The following GLIS2 variants were observed in gnomAD, a reference collection of about 807,000 sequenced individuals.
GLIS2 encodes GLIS family zinc finger 2.
Under a neutral mutation model 35.6 loss-of-function variants are expected in GLIS2, and 14 were observed. That is an observed-to-expected ratio of 0.39 (90% confidence interval 0.26 to 0.61). GLIS2 has a LOEUF of 0.61. Ranked by LOEUF, GLIS2 falls within the 20% of genes least tolerant of loss-of-function variation. The pLI, the probability that GLIS2 is intolerant of heterozygous loss-of-function variation, is 0.48. For missense variants in GLIS2, 675 were observed against 713.4 expected (o/e 0.95, Z 0.61); for synonymous variants, 368 against 325.1 (o/e 1.13, Z -1.42).
In GLIS2 at chr16:4,335,256, C is replaced by T; in HGVS notation, c.657-19C>T. On this transcript the variant is annotated intron_variant, in intron 5 of 6. Transcript: ENST00000433375. This position sits in a 1 kb window ranked among gnomAD's most constrained non-coding sequence, Gnocchi z 4.6. Reference sequence around the variant, plus strand: ...GTCTCCAGTGAGCTGAGCCGTGCCCCCCGCCCTCCCTGGAGCAGGTACAAG... The same window carrying T: ...GTCTCCAGTGAGCTGAGCCGTGCCCTCCGCCCTCCCTGGAGCAGGTACAAG... 17 of 1,613,710 alleles carry T rather than the reference C, an allele frequency of 1.1e-5. No individual in the cohort carries two copies. The highest frequency in any genetic ancestry group is 1.4e-5 in the Non-Finnish European group (17 of 1,180,006).
intron 1 of GLIS2, among the ~76,000 whole-genome samples, chr16:4,321,385 A>G (rs1485785467): frequency 6.6e-6 from 1 of 152,180 alleles, no homozygotes; most frequent in Admixed American, 6.5e-5. Flanking sequence ...GAACCCCTCC[A>G]TACCTACCCC....
rs1317502694 is a variant in GLIS2, at chr16:4,333,536, G to C, written c.345+17G>C. 1 of 1,601,344 alleles carries C rather than the reference G, an allele frequency of 6.2e-7. No homozygotes were observed. Among genetic ancestry groups the C allele is most frequent in the African/African-American group, 1.3e-5 (1 of 74,708 alleles). ...AGTGCCTCGGTAAGGAGGGGTGAGA[G>C]TTCCGGAGAGAGGGGTGGACTGGTT... On this transcript the variant is annotated intron_variant, in intron 3 of 6. Coordinates refer to ENST00000433375, the MANE Select transcript of GLIS2 (RefSeq NM_032575.3).
chr16:4,317,185 C>CTGGCT (rs761844178), intron 1 of GLIS2, among the ~76,000 whole-genome samples: 1 of 152,146 alleles, frequency 6.6e-6, no homozygotes, highest in Non-Finnish European at 1.5e-5. Context: ...GCCTGGGAAG[C>CTGGCT]TGGAAGGGAT....
Position 4,337,871 on chromosome 16 carries a change from C to T in GLIS2, c.*347C>T. On this transcript the variant is annotated 3_prime_UTR_variant, in exon 7 of 7. Coordinates refer to ENST00000433375, the MANE Select transcript of GLIS2 (RefSeq NM_032575.3). ...TCCCTCACCTAGTGACCACCCATGG[C>T]AAGTTGCCCTCTCCCAGCAGAGGGG... 2.2e-6 allele frequency: 1 copy of T among 458,052 alleles called. No individual in the cohort carries two copies. The highest frequency in any genetic ancestry group is 4.0e-6 in the Non-Finnish European group (1 of 247,446). 28.4% of individuals were successfully genotyped at this position (458,052 alleles called of 1,614,324 possible).
chr16:4,326,399 C>T (rs986991952), intron 1 of GLIS2: 1 of 152,226 alleles, frequency 6.6e-6, no homozygotes, highest in African/African-American at 2.4e-5. Flanking sequence ...CTCACATTGC[C>T]CTTGACAACA....
intron 1 of GLIS2, among the ~76,000 whole-genome samples, chr16:4,326,883 C>T (rs2053436565): frequency 6.6e-6 from 1 of 152,060 alleles, no homozygotes; most frequent in African/African-American, 2.4e-5. Flanking sequence ...GCCTCAGCCT[C>T]CCGGGTAGCT....
At chr16:4,321,793 AGGAGGCTCTGGATACCAGGGCCAGTG>A (rs1436128000) in intron 1 of GLIS2, among the ~76,000 whole-genome samples, 5 of 152,176 alleles carry the variant, frequency 3.3e-5, no homozygotes, top group Non-Finnish European at 1.5e-5. Context: ...CCTTCTTGGA[AGGAGGCTCTGGATACCAGGGCCAGTG>A]GGAGGCCTGG....
At chr16:4,336,584 C>T in intron 6 of GLIS2, 141 bp from the exon 7 acceptor site, 1 of 838,144 alleles carries the variant, frequency 1.2e-6, no homozygotes, top group South Asian at 1.4e-5. Context: ...ATGCCATGTG[C>T]TGGGGATGCC....
rs910015994 is a variant in GLIS2 at position 4,323,971 on chromosome 16, G to A, written c.-67+7717G>A. The stretch of plus-strand genomic sequence containing the variant: ...CCCACAGCCAGGGGTGGCACAGGGG[G>A]CTGTAACCAGGCAGCCTGGCCCTGG... On this transcript the variant is annotated intron_variant, in intron 1 of 6. Transcript: ENST00000433375. Among the ~76,000 whole-genome samples, 13 of 152,214 alleles carry A rather than the reference G, an allele frequency of 8.5e-5. 1 individual carries two copies. Among genetic ancestry groups the A allele is most frequent in the African/African-American group, 3.1e-4 (13 of 41,454 alleles).
intron 3 of GLIS2, among the ~76,000 whole-genome samples, chr16:4,334,426 T>C (rs2053528168): frequency 6.8e-6 from 1 of 146,952 alleles, no homozygotes; most frequent in South Asian, 2.2e-4. Context: ...TTAGCAGACA[T>C]GGGGTTTCAC....
intron 3 of GLIS2, among the ~76,000 whole-genome samples, 188 bp from the exon 4 acceptor site, chr16:4,334,613 T>A (rs2053530690): frequency 6.6e-6 from 1 of 151,792 alleles, no homozygotes; most frequent in Non-Finnish European, 1.5e-5. Flanking sequence ...CCTAATCTAG[T>A]GTGACCTCAT....
At chr16:4,324,260 G>A (rs1311317064) in intron 1 of GLIS2, among the ~76,000 whole-genome samples, 14 of 152,142 alleles carry the variant, frequency 9.2e-5, no homozygotes, top group African/African-American at 3.1e-4. Context: ...AGGAAGTGCC[G>A]CCTGCCCTGG....
chr16:4,333,254 C>T, intron 2 of GLIS2, 93 bp from the exon 3 acceptor site: 2 of 1,440,162 alleles, frequency 1.4e-6, no homozygotes, highest in Admixed American at 1.8e-5. Context: ...CTGGTGTCTG[C>T]TCCCAAGGTC....
chr16:4,320,797 C>T lies in GLIS2; in HGVS notation c.-67+4543C>T, dbSNP rs557276786. ...CCTCCCCGCAAGGCTGTAGGGGCCTCCATTGTCCTCCCTATTCTGAAGTCC... is the reference window on the plus strand; with the variant it reads ...CCTCCCCGCAAGGCTGTAGGGGCCTTCATTGTCCTCCCTATTCTGAAGTCC... On this transcript the variant is annotated intron_variant, in intron 1 of 6. Transcript: ENST00000433375. The surrounding 1 kb of genome is among the most constrained non-coding windows in gnomAD (Gnocchi z 5.6). 3.1e-4 allele frequency among the ~76,000 whole-genome samples: 47 copies of T among 152,234 alleles called. No homozygotes were observed. The highest frequency in any genetic ancestry group is 3.9e-4 in the Admixed American group (6 of 15,298).
In GLIS2 at chr16:4,326,071, T is replaced by C. The variant is rs536574465; in HGVS notation, c.-66-6144T>C. Among the ~76,000 whole-genome samples, 6 of 150,424 alleles carry C rather than the reference T, an allele frequency of 4.0e-5. 1 individual carries two copies. In the East Asian group the frequency reaches 5.9e-4, roughly 15 times the overall value. On this transcript the variant is annotated intron_variant, in intron 1 of 6. Transcript: ENST00000433375. ...GGCTAACACGGTGAAACCCTATCTC[T>C]ACTAAAAAAATACACACAAAAAAAT... is the stretch of plus-strand genomic sequence containing the variant.
chr16:4,315,725 T>A (rs1339567343), upstream of GLIS2, among the ~76,000 whole-genome samples: 1 of 146,788 alleles, frequency 6.8e-6, no homozygotes, highest in Non-Finnish European at 1.5e-5. Flanking sequence ...GGCGCCCCAC[T>A]TCCCTCCCTC....
In GLIS2 at chr16:4,335,165, G is replaced by C. The variant is rs768457255; in HGVS notation, c.628G>C (p.Ala210Pro). 1.2e-6 allele frequency: 2 copies of C among 1,613,172 alleles called. No homozygotes were observed. The highest frequency in any genetic ancestry group is 1.7e-6 in the Non-Finnish European group (2 of 1,180,016). Residue 210 changes from alanine to proline, a missense_variant, in exon 5 of 7, where the codon GCC becomes CCC. Around this residue, in one of 3 missense-constraint regions of GLIS2, gnomAD observed 133 missense variants for 191.4 expected, o/e 0.69. Transcript: ENST00000433375. The surrounding 1 kb of genome is among the most constrained non-coding windows in gnomAD (Gnocchi z 4.6). ...AGYCCHWEGCARHGRGFNARY... is the reference protein window; with the variant it reads ...AGYCCHWEGCPRHGRGFNARY... ...GTACTGCTGCCACTGGGAGGGCTGC[G>C]CCCGCCATGGCCGAGGTTTCAACGC...
At chr16:4,329,623 A>C (rs955774913) in intron 1 of GLIS2, among the ~76,000 whole-genome samples, 37 of 152,248 alleles carry the variant, frequency 2.4e-4, no homozygotes, top group African/African-American at 8.9e-4. Flanking sequence ...AGGACGTGGG[A>C]GCTGCCTTCC....
At chr16:4,327,114 G>C (rs142999229) in intron 1 of GLIS2, among the ~76,000 whole-genome samples, 144 of 152,014 alleles carry the variant, frequency 9.5e-4, no homozygotes, top group Middle Eastern at 3.4e-3. Flanking sequence ...GGCTGGTGTA[G>C]AACTCCTGCA....
Sources: gnomAD v4.1 joint callset for allele counts (sites outside exome capture counted in the v4.1 genomes callset) on GRCh38, gnomAD v4.1.1 for gene constraint, gnomAD v4.1.1 regional missense constraint, Gnocchi (gnomAD v3.1) non-coding constraint, MANE v1.5 for transcripts, NCBI Gene and HGNC (gene_info 2026-07-23, HGNC 2026-07-21) for gene names.